The following LSM6 variants were observed in gnomAD, a reference collection of about 807,000 sequenced individuals.
The protein encoded by LSM6 is LSM6 homolog, U6 small nuclear RNA and mRNA degradation associated, also known as U6 snRNA-associated Sm-like protein LSm6.
In LSM6, 2 loss-of-function variants were observed where a neutral mutation model predicts 13.5. That is an observed-to-expected ratio of 0.15 (90% confidence interval 0.06 to 0.47). The LOEUF (loss-of-function observed/expected upper bound fraction) is 0.47, where lower values mean the gene tolerates loss of function less well. Among genes scored for constraint, LSM6 ranks in the 20% least tolerant of loss-of-function variants. LSM6 has a pLI of 0.97. For missense variants in LSM6, 58 were observed against 96.4 expected, an observed-to-expected ratio of 0.60 and a Z score of 1.67; for synonymous variants, 43 against 34.9, an observed-to-expected ratio of 1.23 and a Z score of -0.82.
chr4:146,178,733 T>C (rs1403297920), intron 1 of LSM6, among the ~76,000 whole-genome samples: 2 of 152,250 alleles, frequency 1.3e-5, no homozygotes, highest in Non-Finnish European at 2.9e-5. Flanking sequence ...ATTGTATTTC[T>C]CTGAGGCTAA....
At chr4:146,176,839 A>G (rs895612347) in intron 1 of LSM6, among the ~76,000 whole-genome samples, 3 of 151,818 alleles carry the variant, frequency 2.0e-5, no homozygotes, top group Non-Finnish European at 2.9e-5. Flanking sequence ...TTTTCCCCCT[A>G]TTTTTTAGAT....
In LSM6 at chr4:146,189,661, A is replaced by G; in HGVS notation, c.*5A>G. ...ACACAGAAGAGACGGATGTGAAGACACCAAGAGAGCAACGCTTTTCATAGT... is the reference window on the plus strand; with the variant it reads ...ACACAGAAGAGACGGATGTGAAGACGCCAAGAGAGCAACGCTTTTCATAGT... On this transcript the variant is annotated 3_prime_UTR_variant, in exon 4 of 4. Coordinates refer to ENST00000296581, the MANE Select transcript of LSM6 (RefSeq NM_007080.3). 6.3e-7 allele frequency: 1 copy of G among 1,597,592 alleles called. No homozygotes were observed. Among genetic ancestry groups the G allele is most frequent in the Non-Finnish European group, 8.5e-7 (1 of 1,171,362 alleles).
chr4:146,177,650 A>T (rs1042387178), intron 1 of LSM6, among the ~76,000 whole-genome samples: 5 of 151,336 alleles, frequency 3.3e-5, no homozygotes, highest in African/African-American at 1.2e-4. Flanking sequence ...ATTTTTATTT[A>T]TTTTTTTATT....
chr4:146,181,822 T>C (rs1157332625), intron 1 of LSM6, among the ~76,000 whole-genome samples: 1 of 152,204 alleles, frequency 6.6e-6, no homozygotes, highest in Non-Finnish European at 1.5e-5. Context: ...AACTACAGTT[T>C]TATTAACTTA....
chr4:146,181,635 G>A (rs1220993670), intron 1 of LSM6, among the ~76,000 whole-genome samples: 1 of 152,146 alleles, frequency 6.6e-6, no homozygotes. Flanking sequence ...AATATTTAAT[G>A]AAAAAATTTC....
intron 3 of LSM6, among the ~76,000 whole-genome samples, chr4:146,187,714 G>A (rs561932874): frequency 2.6e-5 from 4 of 152,290 alleles, no homozygotes; most frequent in South Asian, 4.1e-4. Flanking sequence ...AGTTGGAGAT[G>A]TAAGAATGGG....
chr4:146,175,938 A>G (rs1334726075), intron 1 of LSM6, 127 bp downstream of exon 1: 2 of 152,270 alleles, frequency 1.3e-5, no homozygotes, highest in Non-Finnish European at 2.9e-5. Flanking sequence ...CAGCCCCGGA[A>G]AGGGCCTGCG....
intron 1 of LSM6, chr4:146,176,136 C>G (rs981238927): frequency 2.6e-5 from 4 of 152,324 alleles, no homozygotes; most frequent in African/African-American, 9.6e-5. Flanking sequence ...AGTTGGCGTC[C>G]GAGATCAATT....
At chr4:146,187,551 T>C (rs1382217668) in intron 3 of LSM6, 164 bp downstream of exon 3, 1 of 539,242 alleles carries the variant, frequency 1.9e-6, no homozygotes, top group African/African-American at 1.9e-5. Context: ...ATTTTGTAGA[T>C]GCTTCATGGA....
At chr4:146,187,550 A>T in intron 3 of LSM6, 163 bp downstream of exon 3, 2 of 538,322 alleles carry the variant, frequency 3.7e-6, no homozygotes. Context: ...TATTTTGTAG[A>T]TGCTTCATGG....
intron 2 of LSM6, among the ~76,000 whole-genome samples, chr4:146,184,079 A>G (rs1270759535): frequency 6.6e-6 from 1 of 152,072 alleles, no homozygotes; most frequent in Non-Finnish European, 1.5e-5. Context: ...CGTCCTCCAG[A>G]GAGGAGGAAT....
At chr4:146,188,118 T>C (rs569493625) in intron 3 of LSM6, among the ~76,000 whole-genome samples, 1 of 152,340 alleles carries the variant, frequency 6.6e-6, no homozygotes, top group Non-Finnish European at 1.5e-5. Context: ...TGCTATAAAC[T>C]AAACTTCCTG....
chr4:146,176,824 A>C (rs1037352101), intron 1 of LSM6: 2 of 152,006 alleles, frequency 1.3e-5, no homozygotes, highest in Admixed American at 6.6e-5. Flanking sequence ...TGCTTTGATA[A>C]ACTCTTTTCC....
chr4:146,180,590 A>G (rs1730211290), intron 1 of LSM6, among the ~76,000 whole-genome samples: 1 of 152,234 alleles, frequency 6.6e-6, no homozygotes, highest in South Asian at 2.1e-4. Context: ...TTGCTTTTCA[A>G]ATGTTTTTAA....
chr4:146,182,653 CT>C (rs1261502359), intron 1 of LSM6, among the ~76,000 whole-genome samples: 1 of 152,228 alleles, frequency 6.6e-6, no homozygotes, highest in Non-Finnish European at 1.5e-5. Flanking sequence ...AAACACAGGA[CT>C]TTCCCTAATG....
At chr4:146,181,511 A>G (rs7657269) in intron 1 of LSM6, among the ~76,000 whole-genome samples, 33,048 of 152,212 alleles carry the variant, frequency 0.22, 4,667 homozygotes, top group Middle Eastern at 0.31. Flanking sequence ...GTGTGAATTC[A>G]CTATGAGAAC....
In LSM6 at chr4:146,182,946, A is replaced by T; in HGVS notation, c.25A>T (p.Ser9Cys). The T allele has an allele frequency of 6.2e-7, 1 of 1,612,862 alleles. No homozygotes were observed. The highest frequency in any genetic ancestry group is 1.7e-5 in the Admixed American group (1 of 60,024). ...AATGAGTCTTCGGAAGCAAACCCCT[A>T]GTGACTTCTTAAAGCAAATCATCGG... MSLRKQTP[S>C]DFLKQIIGRP... Residue 9 changes from serine (S) to cysteine (C), a missense_variant, in exon 2 of 4, where the codon AGT becomes TGT. Ser to Cys is a moderately radical substitution (Grantham distance 112). Around this residue, in one of 3 missense-constraint regions of LSM6, gnomAD observed 28 missense variants for 32.6 expected, o/e 0.86. Transcript: ENST00000296581.
At chr4:146,182,050 T>C (rs924668938) in intron 1 of LSM6, among the ~76,000 whole-genome samples, 1 of 152,198 alleles carries the variant, frequency 6.6e-6, no homozygotes, top group Admixed American at 6.5e-5. Flanking sequence ...AATCTTTGAC[T>C]GTGTTATTGA....
intron 2 of LSM6, 174 bp downstream of exon 2, chr4:146,183,189 C>CTT: frequency 2.0e-6 from 1 of 507,674 alleles, no homozygotes; most frequent in Non-Finnish European, 3.6e-6. Context: ...AAGGACAACT[C>CTT]TGACAGTATA....
Sources: gnomAD v4.1 joint callset for allele counts (sites outside exome capture counted in the v4.1 genomes callset) on GRCh38, gnomAD v4.1.1 for gene constraint, gnomAD v4.1.1 regional missense constraint, MANE v1.5 for transcripts, NCBI Gene and HGNC (gene_info 2026-07-23, HGNC 2026-07-21) for gene names.